The following STOX1 variants were observed in gnomAD, a reference collection of about 807,000 sequenced individuals.
The protein encoded by STOX1 is storkhead-box protein 1.
Under a neutral mutation model 74.8 loss-of-function variants are expected in STOX1, and 57 were observed. The observed-to-expected ratio is 0.76, with a 90% CI of 0.62 to 0.95. The LOEUF (loss-of-function observed/expected upper bound fraction) is 0.95. STOX1 is among the 40% of genes least tolerant of loss of function. The pLI is 0.00. For synonymous variants in STOX1, 375 were observed against 401.3 expected (o/e 0.93, Z 0.78); for missense variants, 1,010 against 1,117.0 (o/e 0.90, Z 1.37).
chr10:68,880,164 C>CTTTTTTTTTTT (rs71028800), intron 1 of STOX1, among the ~76,000 whole-genome samples: 73 of 124,418 alleles, frequency 5.9e-4, no homozygotes, highest in African/African-American at 9.3e-4. Context: ...TCTTTCTTTC[C>CTTTTTTTTTTT]TTTTTTTTTT....
intron 1 of STOX1, among the ~76,000 whole-genome samples, chr10:68,864,176 G>A (rs886084345): frequency 5.9e-5 from 9 of 151,796 alleles, no homozygotes; most frequent in South Asian, 2.1e-4. Context: ...CGCCCGCCTC[G>A]GCCTCCCAAA....
intron 2 of STOX1, among the ~76,000 whole-genome samples, chr10:68,883,072 C>T (rs79250833): frequency 0.038 from 5,815 of 152,010 alleles, 355 homozygotes; most frequent in African/African-American, 0.13. Context: ...TATTTATTTT[C>T]TTCCTTTTCA....
At chr10:68,840,208 G>A (rs967130942) in intron 1 of STOX1, among the ~76,000 whole-genome samples, 2 of 152,118 alleles carry the variant, frequency 1.3e-5, no homozygotes, top group East Asian at 1.9e-4. Context: ...ATCTAAGACC[G>A]GACACTAAGA....
chr10:68,885,858 G>A lies in STOX1; in HGVS notation c.2062G>A (p.Asp688Asn). 4 of 1,614,072 alleles carry A rather than the reference G, an allele frequency of 2.5e-6. No individual in the cohort carries two copies. The highest frequency in any genetic ancestry group is 3.4e-6 in the Non-Finnish European group (4 of 1,180,022). Residue 688 changes from aspartate to asparagine, a missense_variant, in exon 3 of 4, where the codon GAC becomes AAC. Coordinates refer to ENST00000298596, the MANE Select transcript of STOX1 (RefSeq NM_152709.5). ...VNPLRQAARQDKDSEELLRKG... is the reference protein window; with the variant it reads ...VNPLRQAARQNKDSEELLRKG... Reference sequence around the variant, plus strand: ...CCCTTTAAGACAAGCTGCAAGACAAGACAAAGACTCAGAAGAATTATTGAG... The same window carrying A: ...CCCTTTAAGACAAGCTGCAAGACAAAACAAAGACTCAGAAGAATTATTGAG...
intron 1 of STOX1, among the ~76,000 whole-genome samples, chr10:68,836,729 C>T (rs530350513): frequency 2.6e-5 from 4 of 152,282 alleles, no homozygotes; most frequent in East Asian, 3.9e-4. Flanking sequence ...TAGGTGTGAA[C>T]GGCTTCCTGC....
chr10:68,864,074 G>A (rs927723435), intron 1 of STOX1, among the ~76,000 whole-genome samples: 9 of 152,138 alleles, frequency 5.9e-5, no homozygotes, highest in Admixed American at 1.3e-4. Context: ...ATAGGCACCC[G>A]CCACCGCACC....
At position 68,827,645 on chromosome 10, in the gene STOX1, G is replaced by A. The variant is rs1192929552; in HGVS notation, c.22G>A (p.Ala8Thr). 2.5e-5 allele frequency: 29 copies of A among 1,145,006 alleles called. No homozygotes were observed. The highest frequency in any genetic ancestry group is 2.9e-5 in the Non-Finnish European group (27 of 932,420). 70.9% of individuals were successfully genotyped at this position (1,145,006 alleles called of 1,614,324 possible). A position where few individuals can be genotyped will look rare whatever the true frequency, so the allele number is the denominator to read the frequency against. Residue 8 changes from alanine to threonine, a missense_variant, in exon 1 of 4, where the codon GCG becomes ACG. Physicochemically the swap from Ala to Thr is moderately conservative, Grantham distance 58 (BLOSUM62 0). Coordinates refer to ENST00000298596, the MANE Select transcript of STOX1 (RefSeq NM_152709.5). ...AAGCATGGCCCGGCCCGTGCAGCTG[G>A]CGCCGGGCTCGCTGGCGCTAGTGCT... MARPVQL[A>T]PGSLALVLCR... is the part of the protein sequence containing the mutation.
Position 68,827,627 on chromosome 10 carries a change from G to T in STOX1, c.4G>T (p.Ala2Ser). 8.7e-7 allele frequency: 1 copy of T among 1,149,070 alleles called. No homozygotes were observed. The highest frequency in any genetic ancestry group is 1.1e-6 in the Non-Finnish European group (1 of 934,710). The allele number at this position is 1,149,070 out of a possible 1,614,324, so 71.2% of individuals were successfully genotyped here. Reference protein sequence around the residue: MARPVQLAPGSL... With the variant: MSRPVQLAPGSL... ...GCTCCCGGCCGCCGGCGAAAGCATG[G>T]CCCGGCCCGTGCAGCTGGCGCCGGG... The change falls in exon 1 of 4, where the codon GCC becomes TCC. Residue 2 changes from alanine to serine, a missense_variant. By Grantham distance (99) the Ala-to-Ser change is moderately conservative (BLOSUM62 1). Coordinates refer to ENST00000298596, the MANE Select transcript of STOX1 (RefSeq NM_152709.5).
chr10:68,845,758 C>T (rs1042833127), intron 1 of STOX1, among the ~76,000 whole-genome samples: 5 of 151,502 alleles, frequency 3.3e-5, no homozygotes, highest in South Asian at 2.1e-4. Flanking sequence ...CATGCCACCA[C>T]GCCTGGCTAA....
chr10:68,888,514 CT>C (rs1841020556), intron 3 of STOX1, among the ~76,000 whole-genome samples: 1 of 151,852 alleles, frequency 6.6e-6, no homozygotes, highest in African/African-American at 2.4e-5. Flanking sequence ...TACTGAGTTA[CT>C]ATTTTGCATG....
At chr10:68,860,590 AAAG>A (rs1269454924) in intron 1 of STOX1, among the ~76,000 whole-genome samples, 1 of 151,230 alleles carries the variant, frequency 6.6e-6, no homozygotes, top group African/African-American at 2.4e-5. Context: ...AAAAAAAAAA[AAAG>A]GTCTAATTGG....
chr10:68,887,470 C>T (rs572148133), intron 3 of STOX1, among the ~76,000 whole-genome samples: 25 of 151,814 alleles, frequency 1.6e-4, no homozygotes, highest in Admixed American at 9.2e-4. Context: ...TTAGTAGAGA[C>T]GAGTTTTCTC....
At chr10:68,845,024 G>A (rs753219049) in intron 1 of STOX1, among the ~76,000 whole-genome samples, 1 of 151,942 alleles carries the variant, frequency 6.6e-6, no homozygotes, top group Non-Finnish European at 1.5e-5. Context: ...CGGCCTCCCA[G>A]AGTGCTGGGA....
chr10:68,837,850 C>T (rs1025818041), intron 1 of STOX1, among the ~76,000 whole-genome samples: 6 of 152,162 alleles, frequency 3.9e-5, no homozygotes, highest in Admixed American at 1.3e-4. Context: ...GCATCGGACT[C>T]CAATAAGATA....
chr10:68,891,527 G>T (rs1375132865), intron 3 of STOX1, among the ~76,000 whole-genome samples: 2 of 152,162 alleles, frequency 1.3e-5, no homozygotes, highest in Admixed American at 6.5e-5. Context: ...AAATAGGCTG[G>T]ACGCAGTGGC....
chr10:68,885,732 G>T lies in STOX1; in HGVS notation c.1936G>T (p.Ala646Ser). ...TCCGCATAGTCTGCCATCACGAGGT[G>T]CCTCCTTTTCAGACCGAACACCCTC... ...QTPHSLPSRG[A>S]SFSDRTPSAC... Residue 646 changes from alanine (A) to serine (S), a missense_variant, in exon 3 of 4, where the codon GCC (alanine) becomes TCC (serine). Transcript: ENST00000298596. The T allele has an allele frequency of 6.2e-7, 1 of 1,614,130 alleles. No individual in the cohort carries two copies. Among genetic ancestry groups the T allele is most frequent in the Non-Finnish European group, 8.5e-7 (1 of 1,180,038 alleles).
chr10:68,862,840 A>G (rs765979448), intron 1 of STOX1, among the ~76,000 whole-genome samples: 2 of 152,062 alleles, frequency 1.3e-5, no homozygotes, highest in Non-Finnish European at 2.9e-5. Flanking sequence ...CTGCAATGCA[A>G]TCTTCCCAAA....
In STOX1 at chr10:68,893,024, A is replaced by G. The variant is rs1470085786; in HGVS notation, c.*288A>G. ...CCAATTGTAATTATCTTGAATTTTT[A>G]TACATTAGTTTCTCAAATATATAGA... On this transcript the variant is annotated 3_prime_UTR_variant, in exon 4 of 4. Coordinates refer to ENST00000298596, the MANE Select transcript of STOX1 (RefSeq NM_152709.5). The G allele has an allele frequency of 6.7e-6, 2 of 299,584 alleles. No individual in the cohort carries two copies. Among genetic ancestry groups the G allele is most frequent in the African/African-American group, 4.4e-5 (2 of 45,018 alleles). 18.6% of individuals were successfully genotyped at this position (299,584 alleles called of 1,614,324 possible).
At position 68,846,909 on chromosome 10, in the gene STOX1, A is replaced by C. The variant is rs1480854413; in HGVS notation, c.310+18976A>C. On this transcript the variant is annotated intron_variant, in intron 1 of 3. Transcript: ENST00000298596. ...ACAAATTAATGAAGGGTTCCAATTA[A>C]AAAGAAAAGGATTATGTTAAATCTA... 2.0e-5 allele frequency: 3 copies of C among 152,172 alleles called. No individual in the cohort carries two copies. In the East Asian group the frequency reaches 5.8e-4, roughly 29 times the overall value. 9.4% of individuals were successfully genotyped at this position (152,172 alleles called of 1,614,324 possible). A position where few individuals can be genotyped will look rare whatever the true frequency, so the allele number is the denominator to read the frequency against.
Sources: gnomAD v4.1 joint callset for allele counts (sites outside exome capture counted in the v4.1 genomes callset) on GRCh38, gnomAD v4.1.1 for gene constraint, MANE v1.5 for transcripts, NCBI Gene and HGNC (gene_info 2026-07-23, HGNC 2026-07-21) for gene names.